Variants in NXN observed in about 807,000 individuals in gnomAD.
NXN encodes the protein nucleoredoxin.
NXN carries 16 observed loss-of-function variants against 48.6 expected under a neutral mutation model. That is an observed-to-expected ratio of 0.33 (90% CI 0.22 to 0.50). NXN has a LOEUF of 0.50. NXN is among the 20% of genes least tolerant of loss of function. The probability of loss-of-function intolerance (pLI) is 0.98; values close to 1 mark genes in which losing one functional copy is unlikely to be tolerated. For synonymous variants in NXN, 281 were observed against 269.6 expected (o/e 1.04, Z -0.41); for missense variants, 492 against 605.5 (o/e 0.81, Z 1.97).
chr17:943,935 A>G (rs1379737739), intron 1 of NXN, among the ~76,000 whole-genome samples: 1 of 147,438 alleles, frequency 6.8e-6, no homozygotes, highest in Non-Finnish European at 1.5e-5. Flanking sequence ...TCCTTCTCCT[A>G]AAAAAAAAAT....
At chr17:894,597 A>G (rs1424107686) in intron 1 of NXN, among the ~76,000 whole-genome samples, 4 of 141,646 alleles carry the variant, frequency 2.8e-5, no homozygotes, top group Non-Finnish European at 6.1e-5. Context: ...AACGCCCTGG[A>G]AGCCAGAGGA....
Position 851,118 on chromosome 17 carries a change from C to T in NXN, c.361-25040G>A, listed in dbSNP as rs2067919042. Among the ~76,000 whole-genome samples the T allele has an allele frequency of 2.6e-5, 4 of 152,368 alleles. No homozygotes were observed. In the South Asian group the frequency reaches 8.3e-4, roughly 32 times the overall value. ...TTAAAGAGCATGATAATCCTGTCAA[C>T]GTTTAGCAGAACCGAACTGCTAAAC... On this transcript the variant is annotated intron_variant, in intron 1 of 7. Coordinates refer to ENST00000336868, the MANE Select transcript of NXN (RefSeq NM_022463.5).
intron 1 of NXN, among the ~76,000 whole-genome samples, chr17:865,368 G>A (rs954412095): frequency 3.3e-5 from 5 of 151,884 alleles, no homozygotes; most frequent in African/African-American, 9.7e-5. Flanking sequence ...TCAGCCTCCT[G>A]CATAGCTGGG....
chr17:840,687 A>C (rs761672578), intron 1 of NXN, among the ~76,000 whole-genome samples: 4 of 152,042 alleles, frequency 2.6e-5, no homozygotes, highest in Non-Finnish European at 5.9e-5. Flanking sequence ...CCGGCGAGAT[A>C]CTCTTTTACA....
At chr17:810,043 G>A (rs1191999917) in intron 5 of NXN, among the ~76,000 whole-genome samples, 1 of 136,094 alleles carries the variant, frequency 7.3e-6, no homozygotes, top group Non-Finnish European at 1.6e-5. Flanking sequence ...CCGTGTGAGT[G>A]GCGTGCACGT....
intron 1 of NXN, among the ~76,000 whole-genome samples, chr17:905,801 AC>A (rs1256772466): frequency 2.6e-5 from 4 of 151,636 alleles, no homozygotes; most frequent in Non-Finnish European, 2.9e-5. Flanking sequence ...ACAAAGCGAG[AC>A]CCTATCTCTA....
intron 1 of NXN, chr17:930,143 G>C (rs550790909): frequency 6.1e-4 from 93 of 152,122 alleles, no homozygotes; most frequent in African/African-American, 2.1e-3. Context: ...AAGTTAAAAA[G>C]GGGACTCAGG....
intron 1 of NXN, among the ~76,000 whole-genome samples, chr17:963,471 A>T (rs1287804828): frequency 6.6e-6 from 1 of 152,046 alleles, no homozygotes; most frequent in Non-Finnish European, 1.5e-5. Flanking sequence ...GTGTGGTGGG[A>T]CACACCTGCA....
intron 1 of NXN, among the ~76,000 whole-genome samples, chr17:953,370 G>C (rs754467376): frequency 5.3e-5 from 8 of 152,140 alleles, no homozygotes; most frequent in Middle Eastern, 3.4e-3. Flanking sequence ...AGCTGAGATC[G>C]CGCCACTGCA....
intron 1 of NXN, among the ~76,000 whole-genome samples, chr17:976,830 G>A (rs905153203): frequency 1.3e-5 from 2 of 151,070 alleles, no homozygotes; most frequent in African/African-American, 2.4e-5. Flanking sequence ...GCAATGGTGC[G>A]ATCTCGGCTC....
chr17:914,361 G>A (rs2068665813), intron 1 of NXN, among the ~76,000 whole-genome samples: 1 of 145,298 alleles, frequency 6.9e-6, no homozygotes, highest in African/African-American at 2.6e-5. Flanking sequence ...GTAGAAATAG[G>A]GTTTTACCGT....
At chr17:896,912 A>C in intron 1 of NXN, 1 of 1,245,920 alleles carries the variant, frequency 8.0e-7, no homozygotes, top group Non-Finnish European at 1.0e-6. Context: ...TGCATATCAC[A>C]CACAATATTC....
In NXN at chr17:824,050, T is replaced by G. The variant is rs889279622; in HGVS notation, c.479-285A>C. Among the ~76,000 whole-genome samples, 160 of 151,028 alleles carry G rather than the reference T, an allele frequency of 1.1e-3. 2 individuals are homozygous for G. The highest frequency in any genetic ancestry group is 3.6e-3 in the African/African-American group (148 of 41,112). Reference sequence around the variant, plus strand: ...CTTCCAGGGACATTTTTTTTTTTTTTTTTTTTTGAGGTAGAGTCTCACTCT... The same window carrying G: ...CTTCCAGGGACATTTTTTTTTTTTTGTTTTTTTGAGGTAGAGTCTCACTCT... On this transcript the variant is annotated intron_variant, in intron 2 of 7. Transcript: ENST00000336868.
chr17:819,978 C>T (rs1912733159), intron 4 of NXN, among the ~76,000 whole-genome samples: 2 of 152,156 alleles, frequency 1.3e-5, no homozygotes, highest in Admixed American at 1.3e-4. Context: ...GTAAAAAACC[C>T]TAGGAAAGGC....
chr17:865,022 A>G (rs900893722), intron 1 of NXN, among the ~76,000 whole-genome samples: 3 of 152,178 alleles, frequency 2.0e-5, no homozygotes, highest in Non-Finnish European at 4.4e-5. Context: ...TGGTTTATGT[A>G]AAATCAGGAG....
At chr17:915,821 T>C (rs368873690) in intron 1 of NXN, among the ~76,000 whole-genome samples, 18 of 145,328 alleles carry the variant, frequency 1.2e-4, no homozygotes, top group Admixed American at 2.7e-4. Flanking sequence ...CGGCCACTTA[T>C]GGTGTCAGAG....
At chr17:935,763 A>G (rs796713295) in intron 1 of NXN, among the ~76,000 whole-genome samples, 21 of 152,226 alleles carry the variant, frequency 1.4e-4, no homozygotes, top group African/African-American at 4.8e-4. Flanking sequence ...ACATCCCACT[A>G]GATACCATGC....
intron 1 of NXN, among the ~76,000 whole-genome samples, chr17:926,285 C>T (rs750814830): frequency 1.3e-4 from 20 of 152,188 alleles, no homozygotes; most frequent in Non-Finnish European, 2.5e-4. Flanking sequence ...CTCCCGGGCT[C>T]AAGCAATCCT....
intron 1 of NXN, among the ~76,000 whole-genome samples, chr17:841,394 GGCGA>G (rs1914189116): frequency 1.1e-5 from 1 of 87,310 alleles, no homozygotes; most frequent in Non-Finnish European, 2.7e-5. Context: ...ATCTCACGCC[GGCGA>G]GCAGGTCCCC....
Sources: allele counts gnomAD v4.1 joint callset (sites outside exome capture counted in the v4.1 genomes callset), GRCh38; gene constraint gnomAD v4.1.1; transcripts MANE v1.5; gene names NCBI Gene and HGNC (gene_info 2026-07-23, HGNC 2026-07-21).